Variants in KLC1 observed in about 807,000 individuals in gnomAD.
KLC1 encodes kinesin light chain 1, also known as kinesin 2 60/70kDa.
In KLC1, 30 loss-of-function variants were observed where a neutral mutation model predicts 84.2. That is an observed-to-expected ratio of 0.36 (90% CI 0.27 to 0.48). KLC1 has a LOEUF of 0.48. Ranked by LOEUF, KLC1 falls within the 20% of genes least tolerant of loss-of-function variation. The pLI is 0.99. For synonymous variants in KLC1, 289 were observed against 293.3 expected, an observed-to-expected ratio of 0.99 and a Z score of 0.15; for missense variants, 499 against 805.4, an observed-to-expected ratio of 0.62 and a Z score of 4.60.
intron 13 of KLC1, chr14:103,686,042 G>A (rs947265992): frequency 3.1e-5 from 32 of 1,040,192 alleles, no homozygotes; most frequent in Non-Finnish European, 3.7e-5. Context: ...CACGTGCTCC[G>A]TGGTACTTAG....
chr14:103,685,496 G>C (rs940282332), intron 13 of KLC1: 1 of 1,262,230 alleles, frequency 7.9e-7, no homozygotes, highest in Non-Finnish European at 1.0e-6. Flanking sequence ...GCAGGCAGAA[G>C]GTCATCCCAG....
At chr14:103,691,152 C>T (rs1125415) in intron 14 of KLC1, among the ~76,000 whole-genome samples, 25,725 of 134,998 alleles carry the variant, frequency 0.19, 3,120 homozygotes, top group East Asian at 0.49. Context: ...ATGGTTCCCC[C>T]CACTTTTTTT....
At chr14:103,696,110 C>T in intron 15 of KLC1, 2 of 884,312 alleles carry the variant, frequency 2.3e-6, no homozygotes, top group Non-Finnish European at 2.7e-6. Flanking sequence ...CCCCCGCCCC[C>T]CCCCACAGCA....
Position 103,662,079 on chromosome 14 carries a change from G to A in KLC1, c.493-37G>A, listed in dbSNP as rs111961518. ...TTTCAGGACAGGATGTGTATAGCAC[G>A]TGTAAGATGAAGTGTTGTCCTGGGT... On this transcript the variant is annotated intron_variant, in intron 3 of 16. Transcript: ENST00000334553. The A allele has an allele frequency of 6.3e-5, 90 of 1,418,070 alleles. No individual in the cohort carries two copies. The African/African-American group carries it at 9.6e-4, about 15-fold the overall frequency. The allele number at this position is 1,418,070 out of a possible 1,614,324, so 87.8% of individuals were successfully genotyped here. A position where few individuals can be genotyped will look rare whatever the true frequency, so the allele number is the denominator to read the frequency against.
intron 13 of KLC1, chr14:103,685,788 G>T (rs906979921): frequency 7.3e-6 from 9 of 1,235,292 alleles, no homozygotes; most frequent in Non-Finnish European, 8.3e-6. Flanking sequence ...CATTCCTTTC[G>T]GTGCTGCTGT....
intron 13 of KLC1, chr14:103,686,443 A>G (rs747182163): frequency 5.7e-5 from 9 of 157,066 alleles, no homozygotes; most frequent in Non-Finnish European, 9.7e-5. Context: ...ACCTGAATCA[A>G]TTAAGATGAG....
chr14:103,675,402 G>T, intron 9 of KLC1, 150 bp from the exon 10 acceptor site: 1 of 621,240 alleles, frequency 1.6e-6, no homozygotes. Flanking sequence ...TTATAGTACA[G>T]GTTAAATATC....
At chr14:103,636,089 C>T (rs77641523) in intron 1 of KLC1, among the ~76,000 whole-genome samples, 2,466 of 152,270 alleles carry the variant, frequency 0.016, 63 homozygotes, top group African/African-American at 0.055. Flanking sequence ...CGTTGTTCCA[C>T]ATTTCTGGAA....
intron 3 of KLC1, among the ~76,000 whole-genome samples, chr14:103,661,425 G>A (rs995305463): frequency 1.3e-5 from 2 of 152,120 alleles, no homozygotes; most frequent in East Asian, 3.8e-4. Context: ...TTCCTCAGTT[G>A]GGGTTCGTCT....
chr14:103,637,415 A>C (rs1359642844), intron 1 of KLC1, among the ~76,000 whole-genome samples: 1 of 151,832 alleles, frequency 6.6e-6, no homozygotes, highest in Non-Finnish European at 1.5e-5. Flanking sequence ...CTGTAGTCCC[A>C]GCTACTTGGG....
intron 13 of KLC1, chr14:103,684,877 C>T (rs534302155): frequency 1.4e-5 from 10 of 706,414 alleles, no homozygotes; most frequent in South Asian, 4.6e-5. Context: ...AATGACGATA[C>T]GTTAGCATTT....
At chr14:103,630,339 A>G (rs760854505) in intron 1 of KLC1, among the ~76,000 whole-genome samples, 5 of 152,184 alleles carry the variant, frequency 3.3e-5, no homozygotes, top group Non-Finnish European at 7.3e-5. Flanking sequence ...TTTGTATTAG[A>G]ATTGTTGCTG....
rs142650373 is a variant in KLC1, at chr14:103,679,506, C to A, written c.1611C>A (p.Asp537Glu). ...TGGTCAAGTACGAGAGTGGCCCTGACGGAGGGGAGGAAGTGAGTATGAGCG... is the reference window on the plus strand; with the variant it reads ...TGGTCAAGTACGAGAGTGGCCCTGAAGGAGGGGAGGAAGTGAGTATGAGCG... Reference protein sequence around the residue: ...VDVVKYESGPDGGEEVSMSVE... With the variant: ...VDVVKYESGPEGGEEVSMSVE... Residue 537 changes from aspartate (D) to glutamate (E), a missense_variant, in exon 13 of 17, where the codon GAC becomes GAA. Asp to Glu is a conservative substitution (Grantham distance 45). This residue lies in a region of KLC1 where 167 missense variants were observed against 208.8 expected (regional missense o/e 0.80). Transcript: ENST00000334553. The A allele has an allele frequency of 2.4e-5, 39 of 1,613,860 alleles. No homozygotes were observed. Among genetic ancestry groups the A allele is most frequent in the Non-Finnish European group, 3.1e-5 (37 of 1,179,932 alleles).
intron 1 of KLC1, among the ~76,000 whole-genome samples, chr14:103,650,788 C>G (rs982743548): frequency 6.6e-6 from 1 of 151,776 alleles, no homozygotes; most frequent in Admixed American, 6.6e-5. Flanking sequence ...CCATGTTGGC[C>G]AGGCTTGTCT....
chr14:103,690,001 G>A (rs1344183321), intron 14 of KLC1, among the ~76,000 whole-genome samples: 1 of 152,022 alleles, frequency 6.6e-6, no homozygotes, highest in African/African-American at 2.4e-5. Flanking sequence ...CCATCATGGC[G>A]AAACCCCGTC....
chr14:103,662,886 G>A lies in KLC1; in HGVS notation c.756G>A (p.Pro252=), dbSNP rs201177948. ...AGAAGACTTCAGGACACGACCACCC[G>A]GACGTGGCCACCATGCTCAACATCC... The part of the protein sequence containing the change: ...DLEKTSGHDH[P]DVATMLNILA... The change falls in exon 5 of 17, where the codon CCG becomes CCA. Residue 252 remains proline, a synonymous_variant. Transcript: ENST00000334553. The A allele has an allele frequency of 1.4e-5, 23 of 1,613,336 alleles. No homozygotes were observed. The African/African-American group carries it at 1.7e-4, about 12-fold the overall frequency.
intron 1 of KLC1, among the ~76,000 whole-genome samples, chr14:103,644,320 C>T (rs1342169935): frequency 2.0e-5 from 3 of 147,914 alleles, no homozygotes; most frequent in South Asian, 2.2e-4. Flanking sequence ...AGTGCAGTGG[C>T]GTGATCTCGG....
At chr14:103,682,375 GAA>G (rs3035510) in intron 13 of KLC1, 10 of 97,682 alleles carry the variant, frequency 1.0e-4, no homozygotes, top group East Asian at 3.1e-4. Flanking sequence ...GTCTCAAAAA[GAA>G]AAAAAAAAAA....
intron 1 of KLC1, among the ~76,000 whole-genome samples, chr14:103,629,759 T>TCCCCATCCGCGTCCC (rs1173206714): frequency 2.7e-5 from 4 of 150,854 alleles, no homozygotes; most frequent in African/African-American, 9.8e-5. Flanking sequence ...CCGCGCGTCC[T>TCCCCATCCGCGTCCC]CCCCATCCGC....
Sources: gnomAD v4.1 joint callset for allele counts (sites outside exome capture counted in the v4.1 genomes callset) on GRCh38, gnomAD v4.1.1 for gene constraint, gnomAD v4.1.1 regional missense constraint, MANE v1.5 for transcripts, NCBI Gene and HGNC (gene_info 2026-07-23, HGNC 2026-07-21) for gene names.